PTPRT: variants seen among roughly 807,000 people sequenced by gnomAD.
The protein encoded by PTPRT is protein tyrosine phosphatase receptor type T, also known as receptor-type tyrosine-protein phosphatase T.
In PTPRT, 56 loss-of-function variants were observed where a neutral mutation model predicts 176.8. That is an observed-to-expected ratio of 0.32 (90% CI 0.26 to 0.40). The LOEUF (loss-of-function observed/expected upper bound fraction) is 0.40. Ranked by LOEUF, PTPRT falls within the 10% of genes least tolerant of loss-of-function variation. The pLI is 1.00. For missense variants in PTPRT, 1,540 were observed against 1,908.2 expected (o/e 0.81, Z 3.60); for synonymous variants, 783 against 739.0 (o/e 1.06, Z -0.96).
intron 22 of PTPRT, among the ~76,000 whole-genome samples, chr20:42,113,590 AACTC>A (rs1237326439): frequency 6.6e-6 from 1 of 152,228 alleles, no homozygotes; most frequent in African/African-American, 2.4e-5. Context: ...TAAGGGGGAC[AACTC>A]ACTCTGTGGC....
At chr20:43,108,390 G>A (rs901312497) in intron 1 of PTPRT, among the ~76,000 whole-genome samples, 4 of 152,134 alleles carry the variant, frequency 2.6e-5, no homozygotes, top group Non-Finnish European at 4.4e-5. Context: ...TTTGGAAGAC[G>A]CCAATCCCAA....
At chr20:42,232,940 C>T (rs1256168565) in intron 15 of PTPRT, among the ~76,000 whole-genome samples, 1 of 152,022 alleles carries the variant, frequency 6.6e-6, no homozygotes, top group Admixed American at 6.5e-5. Context: ...AATGTCCAGG[C>T]TGTGCCCAAA....
intron 9 of PTPRT, among the ~76,000 whole-genome samples, chr20:42,371,851 T>C (rs950015994): frequency 1.3e-5 from 2 of 152,190 alleles, no homozygotes; most frequent in African/African-American, 4.8e-5. Context: ...TTGTAGTCTT[T>C]CTACCCCTGT....
intron 7 of PTPRT, among the ~76,000 whole-genome samples, chr20:42,543,352 T>G (rs757464693): frequency 8.5e-5 from 13 of 152,230 alleles, no homozygotes; most frequent in Non-Finnish European, 1.9e-4. Flanking sequence ...CAATAAAAGA[T>G]TCCATCTCAA....
At position 42,952,882 on chromosome 20, in the gene PTPRT, C is replaced by T. The variant is rs143281592; in HGVS notation, c.89-66950G>A. 1.1e-3 allele frequency among the ~76,000 whole-genome samples: 170 copies of T among 152,286 alleles called. 2 individuals carry two copies. The Middle Eastern group carries it at 0.014, about 12-fold the overall frequency. On this transcript the variant is annotated intron_variant, in intron 1 of 30. Transcript: ENST00000373187. ...ATTAAAATGGGTACAATAGCACTAACAGCAGGTACCTAATAAATGAGACGG... is the reference window on the plus strand; with the variant it reads ...ATTAAAATGGGTACAATAGCACTAATAGCAGGTACCTAATAAATGAGACGG...
intron 8 of PTPRT, among the ~76,000 whole-genome samples, chr20:42,457,521 GCAA>G (rs1187435856): frequency 6.6e-6 from 1 of 152,196 alleles, no homozygotes; most frequent in Non-Finnish European, 1.5e-5. Context: ...CTTTCCGCAT[GCAA>G]CCTCATAAGA....
chr20:42,783,526 CT>C (rs1405218828), intron 3 of PTPRT, among the ~76,000 whole-genome samples: 1 of 152,054 alleles, frequency 6.6e-6, no homozygotes, highest in African/African-American at 2.4e-5. Context: ...CAGAAGACAC[CT>C]ACAACCTTGG....
At chr20:42,816,041 C>A (rs2077778518) in intron 2 of PTPRT, among the ~76,000 whole-genome samples, 1 of 152,164 alleles carries the variant, frequency 6.6e-6, no homozygotes, top group African/African-American at 2.4e-5. Flanking sequence ...AGGCTGGGAG[C>A]TGGCACACAC....
At chr20:42,053,482 A>G in the PTPRT span, among the ~76,000 whole-genome samples, 5 of 152,230 alleles carry the variant, frequency 3.3e-5, no homozygotes, top group South Asian at 1.0e-3. Flanking sequence ...TGTGGGCCTC[A>G]ATGGACTCAG....
intron 13 of PTPRT, among the ~76,000 whole-genome samples, chr20:42,252,968 T>C (rs1568711217): frequency 6.6e-6 from 1 of 152,206 alleles, no homozygotes; most frequent in Non-Finnish European, 1.5e-5. Flanking sequence ...AAATCCAGCT[T>C]TGCCTTTGGC....
At chr20:42,403,412 G>A (rs1164365335) in intron 9 of PTPRT, among the ~76,000 whole-genome samples, 1 of 152,060 alleles carries the variant, frequency 6.6e-6, no homozygotes, top group African/African-American at 2.4e-5. Context: ...GTACTGTTAA[G>A]CATATCACAG....
chr20:42,463,313 C>A (rs540029830), intron 8 of PTPRT, among the ~76,000 whole-genome samples: 1 of 152,206 alleles, frequency 6.6e-6, no homozygotes, highest in African/African-American at 2.4e-5. Flanking sequence ...TCCCTTTCCA[C>A]AATTTCATTT....
intron 1 of PTPRT, among the ~76,000 whole-genome samples, chr20:43,063,848 C>G (rs1987568980): frequency 6.6e-6 from 1 of 152,176 alleles, no homozygotes; most frequent in East Asian, 1.9e-4. Flanking sequence ...TCTGAGTTCA[C>G]ATGAAACCAA....
chr20:43,064,987 C>A (rs1987628212), intron 1 of PTPRT, among the ~76,000 whole-genome samples: 1 of 152,176 alleles, frequency 6.6e-6, no homozygotes, highest in Admixed American at 6.5e-5. Context: ...CATGGCTTGC[C>A]CTCATCGGTG....
At position 42,607,561 on chromosome 20, in the gene PTPRT, G is replaced by A. The variant is rs183317500; in HGVS notation, c.1153+70305C>T. ...GGGATACGCAAGACATTGCTTTGAA[G>A]TGTTGATTCCTTATCACTCATCAGT... On this transcript the variant is annotated intron_variant, in intron 7 of 30. Coordinates refer to ENST00000373187, the MANE Select transcript of PTPRT (RefSeq NM_007050.6). 7 of 152,554 alleles carry A rather than the reference G, an allele frequency of 4.6e-5. No individual in the cohort carries two copies. In the East Asian group the frequency reaches 9.6e-4, roughly 21 times the overall value. 9.5% of individuals were successfully genotyped at this position (152,554 alleles called of 1,614,324 possible).
At chr20:42,885,458 A>C (rs1171239722) in intron 2 of PTPRT, among the ~76,000 whole-genome samples, 3 of 151,066 alleles carry the variant, frequency 2.0e-5, no homozygotes, top group African/African-American at 7.3e-5. Flanking sequence ...ACCTATGTCC[A>C]TGTGGCCTGG....
At chr20:42,230,216 CCATGGAGTATCTGTGGA>C (rs1203344637) in intron 15 of PTPRT, among the ~76,000 whole-genome samples, 1 of 152,066 alleles carries the variant, frequency 6.6e-6, no homozygotes, top group Non-Finnish European at 1.5e-5. Context: ...CCCAGGAGTC[CCATGGAGTATCTGTGGA>C]CAGAAACCAG....
intron 7 of PTPRT, among the ~76,000 whole-genome samples, chr20:42,670,892 G>A (rs1296733002): frequency 6.6e-6 from 1 of 152,212 alleles, no homozygotes; most frequent in Non-Finnish European, 1.5e-5. Context: ...CTGAGTGGCT[G>A]AAGACCTGTT....
At chr20:42,126,816 G>A (rs1987881525) in intron 19 of PTPRT, among the ~76,000 whole-genome samples, 1 of 152,240 alleles carries the variant, frequency 6.6e-6, no homozygotes, top group African/African-American at 2.4e-5. Context: ...TGAAGGAAAG[G>A]CTGCTGGCAT....
Sources: allele counts gnomAD v4.1 joint callset (sites outside exome capture counted in the v4.1 genomes callset), GRCh38; gene constraint gnomAD v4.1.1; transcripts MANE v1.5; gene names NCBI Gene and HGNC (gene_info 2026-07-23, HGNC 2026-07-21).